Variants in PM20D1 observed in about 807,000 individuals in gnomAD.
PM20D1 encodes N-fatty-acyl-amino acid synthase/hydrolase PM20D1.
PM20D1 carries 53 observed loss-of-function variants against 53.8 expected under a neutral mutation model. The observed-to-expected ratio is 0.98, with a 90% CI of 0.79 to 1.24. The LOEUF (loss-of-function observed/expected upper bound fraction) is 1.24, where lower values mean the gene tolerates loss of function less well. Among genes scored for constraint, PM20D1 ranks in the 50% most tolerant of loss-of-function variants. PM20D1 has a pLI of 0.00. For synonymous variants in PM20D1, 239 were observed against 241.3 expected (o/e 0.99, Z 0.09); for missense variants, 564 against 616.8 (o/e 0.91, Z 0.91).
In PM20D1 at chr1:205,830,482, T is replaced by C; in HGVS notation, c.1286-103A>G. Reference sequence around the variant, plus strand: ...TGGAAAATCAGGACTACTGGATCACTACAGAGCAATGCCTGGGCTCTCCTG... The same window carrying C: ...TGGAAAATCAGGACTACTGGATCACCACAGAGCAATGCCTGGGCTCTCCTG... On this transcript the variant is annotated intron_variant, in intron 11 of 12. Transcript: ENST00000367136. 3.9e-6 allele frequency: 3 copies of C among 761,760 alleles called. No homozygotes were observed. The South Asian group carries it at 4.6e-5, about 12-fold the overall frequency. The allele number at this position is 761,760 out of a possible 1,614,324, so 47.2% of individuals were successfully genotyped here.
At chr1:205,836,088 C>A (rs1656681816) in intron 10 of PM20D1, among the ~76,000 whole-genome samples, 3 of 152,132 alleles carry the variant, frequency 2.0e-5, no homozygotes, top group Non-Finnish European at 1.5e-5. Flanking sequence ...GTTGGTCAGC[C>A]TGGTCTTGAA....
intron 10 of PM20D1, among the ~76,000 whole-genome samples, chr1:205,833,452 T>A (rs541873764): frequency 7.9e-5 from 12 of 152,338 alleles, no homozygotes; most frequent in Non-Finnish European, 1.0e-4. Flanking sequence ...CTGCTTCCTG[T>A]TTGTAACCAG....
At chr1:205,842,573 G>A in intron 7 of PM20D1, 103 bp downstream of exon 7, 1 of 1,132,786 alleles carries the variant, frequency 8.8e-7, no homozygotes, top group Non-Finnish European at 1.3e-6. Flanking sequence ...AGAATAGGCA[G>A]AGTGCTGGAC....
At chr1:205,828,862 G>C in intron 12 of PM20D1, 119 bp from the exon 13 acceptor site, 1 of 1,346,032 alleles carries the variant, frequency 7.4e-7, no homozygotes, top group Non-Finnish European at 1.0e-6. Context: ...GGCCCTCCAG[G>C]GCTAGGAAAG....
chr1:205,842,296 A>G (rs1007950445), intron 7 of PM20D1, 81 bp from the exon 8 acceptor site: 3 of 1,320,958 alleles, frequency 2.3e-6, no homozygotes, highest in Non-Finnish European at 1.1e-6. Context: ...TCTCTACTTT[A>G]GAGCTGCCTC....
At chr1:205,839,797 G>A (rs193120437) in intron 10 of PM20D1, among the ~76,000 whole-genome samples, 1 of 151,278 alleles carries the variant, frequency 6.6e-6, no homozygotes, top group Non-Finnish European at 1.5e-5. Context: ...TATAGTCCCA[G>A]CTACTTGGGA....
chr1:205,841,422 C>T (rs1013019920), intron 9 of PM20D1, among the ~76,000 whole-genome samples: 1 of 152,102 alleles, frequency 6.6e-6, no homozygotes, highest in Admixed American at 6.5e-5. Context: ...AACAAAGTAT[C>T]CTGGGGAGAT....
intron 3 of PM20D1, among the ~76,000 whole-genome samples, 176 bp from the exon 4 acceptor site, chr1:205,845,073 G>A (rs772598454): frequency 2.6e-4 from 39 of 152,266 alleles, no homozygotes; most frequent in Non-Finnish European, 5.4e-4. Flanking sequence ...GAAACAGAAC[G>A]TTTACCACCT....
chr1:205,835,270 G>A (rs1656658262), intron 10 of PM20D1, among the ~76,000 whole-genome samples: 1 of 152,178 alleles, frequency 6.6e-6, no homozygotes, highest in Admixed American at 6.5e-5. Flanking sequence ...AAATTGAGAT[G>A]TGACAACCAA....
rs1026161152 is a variant in PM20D1 at position 205,845,429 on chromosome 1, C to G, written c.385G>C (p.Val129Leu). The change falls in exon 3 of 13, where the codon GTG (valine) becomes CTG (leucine). Residue 129 changes from valine (V) to leucine (L), a missense_variant. Coordinates refer to ENST00000367136, the MANE Select transcript of PM20D1 (RefSeq NM_152491.5). Reference protein sequence around the residue: ...PYLLMAHFDVVPAPEEGWEVP... With the variant: ...PYLLMAHFDVLPAPEEGWEVP... Reference sequence around the variant, plus strand: ...TCCCAGCCTTCTTCAGGGGCAGGCACCACATCAAAGTGAGCCATCAGCAGG... The same window carrying G: ...TCCCAGCCTTCTTCAGGGGCAGGCAGCACATCAAAGTGAGCCATCAGCAGG... 1 of 1,614,088 alleles carries G rather than the reference C, an allele frequency of 6.2e-7. No individual in the cohort carries two copies. The highest frequency in any genetic ancestry group is 1.3e-5 in the African/African-American group (1 of 74,930).
Position 205,845,271 on chromosome 1 carries a change from C to A in PM20D1, c.489+54G>T, listed in dbSNP as rs1378368640. On this transcript the variant is annotated intron_variant, in intron 3 of 12. Coordinates refer to ENST00000367136, the MANE Select transcript of PM20D1 (RefSeq NM_152491.5). ...ACCTCCCAGGGTCAGCCAAGCACCC[C>A]CATCCTGATTGATCTTTAGGGCCCC... 1.5e-5 allele frequency: 24 copies of A among 1,552,644 alleles called. No individual in the cohort carries two copies. In the East Asian group the frequency reaches 3.1e-4, roughly 20 times the overall value.
chr1:205,849,737 C>G (rs1473002551), intron 1 of PM20D1, among the ~76,000 whole-genome samples, 167 bp downstream of exon 1: 1 of 151,948 alleles, frequency 6.6e-6, no homozygotes, highest in Non-Finnish European at 1.5e-5. Flanking sequence ...CGTCCCCAGA[C>G]AGGGGCACGA....
intron 10 of PM20D1, among the ~76,000 whole-genome samples, chr1:205,833,646 A>G (rs190125601): frequency 4.7e-4 from 71 of 152,284 alleles, no homozygotes; most frequent in African/African-American, 1.6e-3. Flanking sequence ...CAGGAAGTAG[A>G]CCAGACCCTG....
intron 1 of PM20D1, among the ~76,000 whole-genome samples, chr1:205,848,849 T>G (rs557754046): frequency 6.6e-6 from 1 of 152,178 alleles, no homozygotes; most frequent in Non-Finnish European, 1.5e-5. Context: ...TCAGAAAGAT[T>G]CAAGTGCCTA....
rs980810740 is a variant in PM20D1, at chr1:205,830,475, G to A, written c.1286-96C>T. 2.1e-5 allele frequency: 17 copies of A among 824,688 alleles called. No homozygotes were observed. The African/African-American group carries it at 2.7e-4, about 13-fold the overall frequency. The allele number at this position is 824,688 out of a possible 1,614,324, so 51.1% of individuals were successfully genotyped here. On this transcript the variant is annotated intron_variant, in intron 11 of 12. Transcript: ENST00000367136. ...GCCTGGCTGGAAAATCAGGACTACT[G>A]GATCACTACAGAGCAATGCCTGGGC...
Position 205,828,515 on chromosome 1 carries a change from T to A in PM20D1, c.*105A>T, listed in dbSNP as rs571737440. The A allele has an allele frequency of 1.4e-6, 2 of 1,474,980 alleles. No homozygotes were observed. Among genetic ancestry groups the A allele is most frequent in the Admixed American group, 2.0e-5 (1 of 51,196 alleles). 91.4% of individuals were successfully genotyped at this position (1,474,980 alleles called of 1,614,324 possible). ...GAGTGAGCAAGACAGATGGGCAATG[T>A]TTTACAATGTGGTTTTGATCAAAAG... On this transcript the variant is annotated 3_prime_UTR_variant, in exon 13 of 13. Transcript: ENST00000367136.
chr1:205,838,672 C>G (rs1037901465), intron 10 of PM20D1, among the ~76,000 whole-genome samples: 9 of 152,212 alleles, frequency 5.9e-5, no homozygotes, highest in African/African-American at 1.9e-4. Flanking sequence ...TATCTCTCTC[C>G]AGACCTGAGG....
chr1:205,837,631 CA>C (rs1656711391), intron 10 of PM20D1, among the ~76,000 whole-genome samples: 1 of 152,154 alleles, frequency 6.6e-6, no homozygotes, highest in Non-Finnish European at 1.5e-5. Context: ...GTAACCAGGA[CA>C]AATGCGCCCA....
chr1:205,841,719 AGAAG>A (rs1656813127), intron 9 of PM20D1, 88 bp downstream of exon 9: 5 of 1,286,570 alleles, frequency 3.9e-6, no homozygotes, highest in Non-Finnish European at 5.5e-6. Context: ...TGACACACAC[AGAAG>A]GAAGGAAGAG....
Sources: allele counts gnomAD v4.1 joint callset (sites outside exome capture counted in the v4.1 genomes callset), GRCh38; gene constraint gnomAD v4.1.1; transcripts MANE v1.5; gene names NCBI Gene and HGNC (gene_info 2026-07-23, HGNC 2026-07-21).